Variants in SHISA9 observed in about 807,000 individuals in gnomAD.
The protein encoded by SHISA9 is protein shisa-9.
Under a neutral mutation model 38.0 loss-of-function variants are expected in SHISA9, and 13 were observed. That is an observed-to-expected ratio of 0.34 (90% CI 0.22 to 0.54). The LOEUF (loss-of-function observed/expected upper bound fraction) is 0.54, where lower values mean the gene tolerates loss of function less well. SHISA9 is among the 20% of genes least tolerant of loss of function. SHISA9 has a pLI of 0.91. For synonymous variants in SHISA9, 275 were observed against 242.0 expected, an observed-to-expected ratio of 1.14 and a Z score of -1.27; for missense variants, 538 against 575.8, an observed-to-expected ratio of 0.93 and a Z score of 0.67.
the SHISA9 span, among the ~76,000 whole-genome samples, chr16:13,360,716 G>C: frequency 1.3e-5 from 2 of 152,162 alleles, no homozygotes; most frequent in African/African-American, 4.8e-5. Context: ...TGGCAGCTCA[G>C]TCAAGCCTCG....
At chr16:12,974,758 TC>T (rs2072134387) in intron 2 of SHISA9, among the ~76,000 whole-genome samples, 1 of 152,072 alleles carries the variant, frequency 6.6e-6, no homozygotes. Flanking sequence ...GCAAGTGATT[TC>T]TAAGTCTATG....
the SHISA9 span, among the ~76,000 whole-genome samples, chr16:13,470,696 C>A: frequency 6.6e-6 from 1 of 152,032 alleles, no homozygotes; most frequent in East Asian, 1.9e-4. Context: ...CACAGCCAAA[C>A]CATATCAAAG....
At chr16:13,111,071 G>T (rs1437745791) in intron 2 of SHISA9, among the ~76,000 whole-genome samples, 1 of 152,030 alleles carries the variant, frequency 6.6e-6, no homozygotes, top group Admixed American at 6.6e-5. Flanking sequence ...TTAAATTTAA[G>T]ACCGAAAGCC....
chr16:13,348,469 T>A, the SHISA9 span, among the ~76,000 whole-genome samples: 1 of 151,964 alleles, frequency 6.6e-6, no homozygotes, highest in Non-Finnish European at 1.5e-5. Flanking sequence ...TCGCCCTTAA[T>A]GTACGGGTGA....
chr16:13,121,119 C>A (rs1596661922), intron 2 of SHISA9, among the ~76,000 whole-genome samples: 1 of 152,108 alleles, frequency 6.6e-6, no homozygotes, highest in East Asian at 1.9e-4. Flanking sequence ...TGATTGCATT[C>A]ATTGAGCCCC....
chr16:12,995,971 T>C (rs1464876708), intron 2 of SHISA9, among the ~76,000 whole-genome samples: 1 of 152,190 alleles, frequency 6.6e-6, no homozygotes, highest in South Asian at 2.1e-4. Flanking sequence ...TCCCTGGTAA[T>C]GCTTGTTGCA....
intron 2 of SHISA9, among the ~76,000 whole-genome samples, chr16:13,131,220 C>T (rs1199055701): frequency 6.6e-6 from 1 of 152,006 alleles, no homozygotes; most frequent in African/African-American, 2.4e-5. Context: ...ACACAAATGG[C>T]CATTGATGAT....
At chr16:13,338,776 A>C in the SHISA9 span, among the ~76,000 whole-genome samples, 1 of 152,236 alleles carries the variant, frequency 6.6e-6, no homozygotes. Flanking sequence ...TATAGTAAGC[A>C]GAAGCTCTCC....
the SHISA9 span, among the ~76,000 whole-genome samples, chr16:13,544,661 G>A: frequency 6.6e-6 from 1 of 152,000 alleles, no homozygotes; most frequent in Non-Finnish European, 1.5e-5. Flanking sequence ...TAGAAGACTG[G>A]GCCAGGTGCA....
intron 2 of SHISA9, among the ~76,000 whole-genome samples, chr16:13,022,121 C>T (rs1439423798): frequency 2.6e-5 from 4 of 152,070 alleles, no homozygotes; most frequent in African/African-American, 9.7e-5. Flanking sequence ...CTTGTTCCTT[C>T]TGTATCTGCG....
At chr16:13,461,599 A>C in the SHISA9 span, among the ~76,000 whole-genome samples, 3 of 145,036 alleles carry the variant, frequency 2.1e-5, no homozygotes, top group East Asian at 6.2e-4. Context: ...AAAGATTTAT[A>C]GACTTTCTTT....
At chr16:13,469,266 G>A in the SHISA9 span, among the ~76,000 whole-genome samples, 1 of 140,780 alleles carries the variant, frequency 7.1e-6, no homozygotes, top group Non-Finnish European at 1.5e-5. Flanking sequence ...AGAAAGTAAG[G>A]TAATTTAAGG....
the SHISA9 span, among the ~76,000 whole-genome samples, chr16:13,513,145 C>T: frequency 6.6e-6 from 1 of 152,176 alleles, no homozygotes; most frequent in African/African-American, 2.4e-5. Flanking sequence ...CTACAAGGAA[C>T]TTAAACGAAT....
At chr16:12,946,211 G>C (rs1489536174) in intron 2 of SHISA9, among the ~76,000 whole-genome samples, 2 of 152,120 alleles carry the variant, frequency 1.3e-5, no homozygotes, top group Admixed American at 6.6e-5. Context: ...TATCTGTTTT[G>C]GTACCAGTAC....
the SHISA9 span, among the ~76,000 whole-genome samples, chr16:13,510,841 A>C: frequency 6.6e-6 from 1 of 152,112 alleles, no homozygotes; most frequent in South Asian, 2.1e-4. Flanking sequence ...TCATCTCTGC[A>C]ATCAAGGACC....
At chr16:13,556,906 A>G in the SHISA9 span, among the ~76,000 whole-genome samples, 2 of 152,238 alleles carry the variant, frequency 1.3e-5, no homozygotes, top group Admixed American at 6.5e-5. Context: ...TATGGAATAT[A>G]CATAGTTTAC....
At chr16:13,548,929 C>G in the SHISA9 span, among the ~76,000 whole-genome samples, 3 of 152,190 alleles carry the variant, frequency 2.0e-5, no homozygotes, top group Non-Finnish European at 2.9e-5. Context: ...TATTGCAACA[C>G]TTTACACAAT....
intron 4 of SHISA9, among the ~76,000 whole-genome samples, chr16:13,226,452 T>C (rs975563726): frequency 2.6e-5 from 4 of 152,202 alleles, no homozygotes; most frequent in African/African-American, 7.2e-5. Flanking sequence ...TATAGGACAT[T>C]AGATGGCCTG....
At chr16:13,095,840 A>G (rs890950435) in intron 2 of SHISA9, among the ~76,000 whole-genome samples, 2 of 152,240 alleles carry the variant, frequency 1.3e-5, no homozygotes, top group South Asian at 2.1e-4. Flanking sequence ...TTGAGCGAGC[A>G]TGCATCAGGA....
Sources: allele counts gnomAD v4.1 joint callset (sites outside exome capture counted in the v4.1 genomes callset), GRCh38; gene constraint gnomAD v4.1.1; transcripts MANE v1.5; gene names NCBI Gene and HGNC (gene_info 2026-07-23, HGNC 2026-07-21).